The following AHDC1 variants were observed in gnomAD, a reference collection of about 807,000 sequenced individuals.
AHDC1 encodes transcription factor Gibbin.
AHDC1 carries 7 observed loss-of-function variants against 87.9 expected under a neutral mutation model. The observed-to-expected ratio is 0.08, with a 90% CI of 0.05 to 0.15. AHDC1 has a LOEUF of 0.15. Among genes scored for constraint, AHDC1 ranks in the 10% least tolerant of loss-of-function variants. The pLI, the probability that AHDC1 is intolerant of heterozygous loss-of-function variation, is 1.00. For synonymous variants in AHDC1, 1,051 were observed against 1,006.8 expected (o/e 1.04, Z -0.83); for missense variants, 1,841 against 2,253.2 (o/e 0.82, Z 3.70).
Position 27,595,417 on chromosome 1 carries a change from G to T in AHDC1, c.-629+7980C>A, listed in dbSNP as rs771407941. Among the ~76,000 whole-genome samples the T allele has an allele frequency of 3.3e-5, 5 of 151,306 alleles. No homozygotes were observed. The highest frequency in any genetic ancestry group is 6.6e-5 in the Admixed American group (1 of 15,206). The stretch of plus-strand genomic sequence containing the variant: ...GGGTGTATCTGGCAGTGTTGGGGTT[G>T]GATAGGGGGTTGATATGCTGAGGGT... On this transcript the variant is annotated intron_variant, in intron 3 of 8. Transcript: ENST00000673934. This position sits in a 1 kb window ranked among gnomAD's most constrained non-coding sequence, Gnocchi z 4.0.
chr1:27,571,321 T>G (rs2088496554), intron 3 of AHDC1, among the ~76,000 whole-genome samples: 1 of 152,100 alleles, frequency 6.6e-6, no homozygotes, highest in African/African-American at 2.4e-5. Flanking sequence ...GAACCCCTAG[T>G]CCAACAGGAG....
chr1:27,550,565 G>A lies in AHDC1; in HGVS notation c.1551C>T (p.Pro517=). 1 of 1,613,462 alleles carries A rather than the reference G, an allele frequency of 6.2e-7. No homozygotes were observed. The highest frequency in any genetic ancestry group is 8.5e-7 in the Non-Finnish European group (1 of 1,179,756). Residue 517 remains proline (P), a synonymous_variant, in exon 8 of 9, where the codon CCC becomes CCT. Transcript: ENST00000673934. Reference sequence around the variant, plus strand: ...TGTTCTTCATCTTCAGCAGCGGGGTGGGCTCAGCCGACACGCGCAGGCCCA... The same window carrying A: ...TGTTCTTCATCTTCAGCAGCGGGGTAGGCTCAGCCGACACGCGCAGGCCCA... The part of the protein sequence containing the change: ...KELGLRVSAE[P]TPLLKMKNNG...
intron 3 of AHDC1, among the ~76,000 whole-genome samples, chr1:27,588,150 T>C (rs1359640283): frequency 6.6e-6 from 1 of 152,208 alleles, no homozygotes; most frequent in African/African-American, 2.4e-5. Context: ...GTCCCTCCGT[T>C]TTCTCAGCAT....
chr1:27,545,849 C>T (rs1421808381), intron 8 of AHDC1, among the ~76,000 whole-genome samples: 1 of 152,092 alleles, frequency 6.6e-6, no homozygotes, highest in African/African-American at 2.4e-5. Flanking sequence ...AAACTGAGGC[C>T]CAGAGAGGGG....
At chr1:27,596,158 T>TTCTAGCG (rs2089365474) in intron 3 of AHDC1, among the ~76,000 whole-genome samples, 2 of 151,990 alleles carry the variant, frequency 1.3e-5, no homozygotes, top group South Asian at 4.1e-4. Context: ...AGAACCCCTA[T>TTCTAGCG]GGTATGGGGT....
intron 3 of AHDC1, among the ~76,000 whole-genome samples, chr1:27,597,308 G>A (rs919504072): frequency 3.3e-5 from 5 of 152,174 alleles, no homozygotes; most frequent in Non-Finnish European, 5.9e-5. Flanking sequence ...GAATGAGTGT[G>A]AGGGTGGAGA....
Position 27,547,742 on chromosome 1 carries a change from G to A in AHDC1, c.4374C>T (p.Ser1458=). The A allele has an allele frequency of 3.1e-6, 5 of 1,592,748 alleles. No homozygotes were observed. The Middle Eastern group carries it at 6.0e-4, about 190-fold the overall frequency. ...DLPLGQPHYD[S]PSCKGTAYWY... The stretch of plus-strand genomic sequence containing the variant: ...AATAGGCTGTGCCCTTGCAGCTGGG[G>A]GAATCGTAGTGGGGCTGGCCCAGCG... Residue 1458 remains serine, a synonymous_variant, in exon 8 of 9, where the codon TCC becomes TCT. Transcript: ENST00000673934. The surrounding 1 kb of genome is among the most constrained non-coding windows in gnomAD (Gnocchi z 4.9).
Position 27,548,165 on chromosome 1 carries a change from A to G in AHDC1, c.3951T>C (p.Tyr1317=). ...QDSPDLGLDY[Y]SGDSSMSPLP... ...GTGGTGACATGCTGCTGTCCCCGCTATAGTAGTCCAGGCCGAGGTCAGGAC... is the reference window on the plus strand; with the variant it reads ...GTGGTGACATGCTGCTGTCCCCGCTGTAGTAGTCCAGGCCGAGGTCAGGAC... The change falls in exon 8 of 9, where the codon TAT becomes TAC. Residue 1317 remains tyrosine, a synonymous_variant. Coordinates refer to ENST00000673934, the MANE Select transcript of AHDC1 (RefSeq NM_001371928.1). 6.2e-7 allele frequency: 1 copy of G among 1,613,796 alleles called. No individual in the cohort carries two copies. The highest frequency in any genetic ancestry group is 1.3e-5 in the African/African-American group (1 of 75,068).
chr1:27,538,681 ATTATT>A (rs1225778990), intron 8 of AHDC1, among the ~76,000 whole-genome samples: 1 of 151,882 alleles, frequency 6.6e-6, no homozygotes, highest in Non-Finnish European at 1.5e-5. Context: ...CACCTGGCTA[ATTATT>A]TTATTTTTTG....
At chr1:27,571,613 G>C (rs559351587) in intron 3 of AHDC1, among the ~76,000 whole-genome samples, 23 of 152,248 alleles carry the variant, frequency 1.5e-4, no homozygotes, top group East Asian at 5.8e-4. Flanking sequence ...GCCAAGGAGG[G>C]GGGGGTGGCT....
In AHDC1 at chr1:27,550,178, C is replaced by T. The variant is rs760416097; in HGVS notation, c.1938G>A (p.Val646=). ...TGCTCTGGGTGTCGGGGGCCTGGTG[C>T]ACCGACTCCGGCTCACTGGGTGTCC... The part of the protein sequence containing the change: ...RCWTPSEPES[V]HQAPDTQSIS... The change falls in exon 8 of 9, where the codon GTG becomes GTA. Residue 646 remains valine (V), a synonymous_variant. Transcript: ENST00000673934. 4.3e-6 allele frequency: 7 copies of T among 1,611,950 alleles called. No homozygotes were observed. Among genetic ancestry groups the T allele is most frequent in the Non-Finnish European group, 4.2e-6 (5 of 1,179,826 alleles).
chr1:27,600,042 C>T (rs2089487595), intron 3 of AHDC1, among the ~76,000 whole-genome samples: 1 of 151,906 alleles, frequency 6.6e-6, no homozygotes. Context: ...TATTCCTAGG[C>T]CTTCTTGGTC....
At chr1:27,571,381 G>A (rs1406496336) in intron 3 of AHDC1, among the ~76,000 whole-genome samples, 2 of 152,178 alleles carry the variant, frequency 1.3e-5, no homozygotes, top group Admixed American at 6.5e-5. Context: ...AGGCACAGAG[G>A]CAGGCTGGGA....
chr1:27,576,597 A>C (rs2088757905), intron 3 of AHDC1, among the ~76,000 whole-genome samples: 1 of 152,232 alleles, frequency 6.6e-6, no homozygotes, highest in Admixed American at 6.5e-5. Flanking sequence ...CTAAAGTCAG[A>C]AAAACTCTGG....
At position 27,561,547 on chromosome 1, in the gene AHDC1, C is replaced by T. The variant is rs2020084373; in HGVS notation, c.-628-2664G>A. ...TGCAGGGGCTGGGCTGGGACTAAGG[C>T]TCCCTTCACGGTGCTCCAGGCGCAA... On this transcript the variant is annotated intron_variant, in intron 3 of 8. Coordinates refer to ENST00000673934, the MANE Select transcript of AHDC1 (RefSeq NM_001371928.1). The surrounding 1 kb of genome is among the most constrained non-coding windows in gnomAD (Gnocchi z 4.2). Among the ~76,000 whole-genome samples, 1 of 152,260 alleles carries T rather than the reference C, an allele frequency of 6.6e-6. No individual in the cohort carries two copies.
chr1:27,583,006 G>A (rs2088950133), intron 3 of AHDC1, among the ~76,000 whole-genome samples: 1 of 152,092 alleles, frequency 6.6e-6, no homozygotes, highest in Admixed American at 6.6e-5. Context: ...TCCGCCTCCT[G>A]GGTTCAAGTG....
intron 8 of AHDC1, among the ~76,000 whole-genome samples, chr1:27,540,111 CA>C (rs1200633278): frequency 6.6e-6 from 1 of 152,198 alleles, no homozygotes; most frequent in Non-Finnish European, 1.5e-5. Flanking sequence ...AGGCAATCCC[CA>C]GGGGCCCTTC....
intron 8 of AHDC1, among the ~76,000 whole-genome samples, chr1:27,536,337 G>A (rs1444884464): frequency 1.3e-5 from 2 of 152,238 alleles, no homozygotes; most frequent in African/African-American, 4.8e-5. Context: ...CATCCTGGTG[G>A]ACCAGACCAG....
chr1:27,539,571 G>A (rs1359099127), intron 8 of AHDC1, among the ~76,000 whole-genome samples: 14 of 151,926 alleles, frequency 9.2e-5, no homozygotes, highest in Non-Finnish European at 1.2e-4. Context: ...TCAGCCTCCC[G>A]AGTAGCTGGG....
Sources: gnomAD v4.1 joint callset for allele counts (sites outside exome capture counted in the v4.1 genomes callset) on GRCh38, gnomAD v4.1.1 for gene constraint, Gnocchi (gnomAD v3.1) non-coding constraint, MANE v1.5 for transcripts, NCBI Gene and HGNC (gene_info 2026-07-23, HGNC 2026-07-21) for gene names.